Variants in METTL15 observed in about 807,000 individuals in gnomAD.
METTL15 encodes methyltransferase 15, mitochondrial 12S rRNA N4-cytidine.
Under a neutral mutation model 38.3 loss-of-function variants are expected in METTL15, and 34 were observed. The ratio of observed to expected loss-of-function variants is 0.89; its 90% CI spans 0.68 to 1.18. The LOEUF (loss-of-function observed/expected upper bound fraction) is 1.18. METTL15 is among the 50% of genes most tolerant of loss of function. The probability of loss-of-function intolerance (pLI) is 0.00; values close to 1 mark genes in which losing one functional copy is unlikely to be tolerated. For missense variants in METTL15, 438 were observed against 498.4 expected (o/e 0.88, Z 1.15); for synonymous variants, 162 against 170.9 (o/e 0.95, Z 0.41).
chr11:28,516,973 G>A (rs1037435501), intron 6 of METTL15: 2 of 152,248 alleles, frequency 1.3e-5, no homozygotes, highest in African/African-American at 2.4e-5. Context: ...ATAAGCAAGG[G>A]TCAAATGACA....
intron 4 of METTL15, among the ~76,000 whole-genome samples, chr11:28,264,604 A>G (rs1855337942): frequency 6.6e-6 from 1 of 152,132 alleles, no homozygotes; most frequent in East Asian, 1.9e-4. Context: ...ATCATTATGT[A>G]TCAAGATTTT....
At chr11:28,376,146 G>T (rs528609780) in intron 5 of METTL15, among the ~76,000 whole-genome samples, 58 of 151,956 alleles carry the variant, frequency 3.8e-4, no homozygotes, top group African/African-American at 1.3e-3. Flanking sequence ...ATATTCTGTT[G>T]ATTTGGGGTG....
chr11:28,409,155 G>T (rs1258786705), intron 5 of METTL15, among the ~76,000 whole-genome samples: 1 of 151,974 alleles, frequency 6.6e-6, no homozygotes, highest in Non-Finnish European at 1.5e-5. Flanking sequence ...GGCTGAGGTG[G>T]GCGGATCACG....
At chr11:28,268,464 A>G (rs1034228333) in intron 4 of METTL15, among the ~76,000 whole-genome samples, 7 of 151,934 alleles carry the variant, frequency 4.6e-5, no homozygotes, top group Admixed American at 2.6e-4. Flanking sequence ...CTGATTGTAC[A>G]TTGTGTTTGA....
chr11:28,408,956 G>A, intron 5 of METTL15, among the ~76,000 whole-genome samples: 1 of 152,068 alleles, frequency 6.6e-6, no homozygotes, highest in East Asian at 1.9e-4. Flanking sequence ...TTACACTTTA[G>A]GCCAAATGGG....
At chr11:28,125,877 T>C (rs1038441301) in intron 3 of METTL15, 2 of 152,148 alleles carry the variant, frequency 1.3e-5, no homozygotes, top group African/African-American at 2.4e-5. Context: ...GGTAGTAATT[T>C]TGAATATTTT....
At chr11:28,503,620 G>A (rs938294200) in intron 6 of METTL15, among the ~76,000 whole-genome samples, 12 of 151,712 alleles carry the variant, frequency 7.9e-5, no homozygotes, top group African/African-American at 1.9e-4. Flanking sequence ...GTAAAACCCC[G>A]TCTCTACTAA....
intron 6 of METTL15, among the ~76,000 whole-genome samples, chr11:28,438,651 TTTTTTTC>T (rs992498910): frequency 2.4e-4 from 36 of 151,096 alleles, no homozygotes; most frequent in African/African-American, 3.2e-4. Context: ...GATCACGCTT[TTTTTTTC>T]TTTTTTCTTT....
intron 3 of METTL15, among the ~76,000 whole-genome samples, chr11:28,180,530 G>A (rs1243468812): frequency 6.6e-6 from 1 of 151,618 alleles, no homozygotes; most frequent in Non-Finnish European, 1.5e-5. Flanking sequence ...AACTAAGAAG[G>A]GCCTGAAACC....
At chr11:28,109,437 C>G (rs776592699) in intron 1 of METTL15, among the ~76,000 whole-genome samples, 2 of 152,104 alleles carry the variant, frequency 1.3e-5, no homozygotes, top group Non-Finnish European at 2.9e-5. Flanking sequence ...TACATATGGT[C>G]TCTCAGTTAA....
intron 5 of METTL15, among the ~76,000 whole-genome samples, chr11:28,378,662 G>A (rs1850348322): frequency 1.3e-5 from 2 of 152,058 alleles, no homozygotes; most frequent in South Asian, 2.1e-4. Context: ...GTTCCTATTC[G>A]GCCATCTTGG....
At chr11:28,394,097 T>C (rs1163560479) in intron 5 of METTL15, among the ~76,000 whole-genome samples, 1 of 152,146 alleles carries the variant, frequency 6.6e-6, no homozygotes, top group Non-Finnish European at 1.5e-5. Context: ...TGGTGCCTTA[T>C]TATTTTTGTG....
Position 28,109,469 on chromosome 11 carries a change from C to T in METTL15, c.-253-697C>T, listed in dbSNP as rs566976049. ...TTAATTCTCAAAACAGCCCATGAGA[C>T]GTAGGTAATATTATTTTCATTTTTC... On this transcript the variant is annotated intron_variant, in intron 1 of 6. Coordinates refer to ENST00000407364, the MANE Select transcript of METTL15 (RefSeq NM_001113528.2). Among the ~76,000 whole-genome samples the T allele has an allele frequency of 6.6e-5, 10 of 152,170 alleles. No individual in the cohort carries two copies. In the South Asian group the frequency reaches 1.7e-3, roughly 25 times the overall value.
chr11:28,165,517 T>G (rs758656919), intron 3 of METTL15, among the ~76,000 whole-genome samples: 1 of 152,160 alleles, frequency 6.6e-6, no homozygotes, highest in Non-Finnish European at 1.5e-5. Context: ...ATTTTTTAAT[T>G]GGTTTACTTG....
At chr11:28,341,149 A>G (rs1439449856) in intron 3 of METTL15, among the ~76,000 whole-genome samples, 2 of 152,174 alleles carry the variant, frequency 1.3e-5, no homozygotes, top group Middle Eastern at 3.2e-3. Context: ...GGAGGGGAAC[A>G]TCACACATCA....
intron 3 of METTL15, among the ~76,000 whole-genome samples, chr11:28,340,309 AT>A (rs1849938889): frequency 6.6e-6 from 1 of 152,196 alleles, no homozygotes; most frequent in East Asian, 1.9e-4. Flanking sequence ...GTATTAAAAA[AT>A]AAGCTACATA....
chr11:28,155,312 C>G (rs769440361), intron 3 of METTL15, among the ~76,000 whole-genome samples: 1 of 152,124 alleles, frequency 6.6e-6, no homozygotes, highest in South Asian at 2.1e-4. Context: ...AAACAACTAA[C>G]TTTTCTAAGT....
intron 3 of METTL15, among the ~76,000 whole-genome samples, chr11:28,149,170 A>C (rs1007432210): frequency 4.7e-5 from 7 of 150,274 alleles, no homozygotes; most frequent in Non-Finnish European, 1.0e-4. Context: ...CATCTTCTGG[A>C]CTTCAATTCA....
chr11:28,515,124 C>T (rs533767964), intron 6 of METTL15, among the ~76,000 whole-genome samples: 28 of 152,116 alleles, frequency 1.8e-4, no homozygotes, highest in African/African-American at 6.5e-4. Context: ...AGAGAGGGGA[C>T]AGGAAAGCAG....
Sources: gnomAD v4.1 joint callset for allele counts (sites outside exome capture counted in the v4.1 genomes callset) on GRCh38, gnomAD v4.1.1 for gene constraint, MANE v1.5 for transcripts, NCBI Gene and HGNC (gene_info 2026-07-23, HGNC 2026-07-21) for gene names.